The following FOXP1 variants were observed in gnomAD, a reference collection of about 807,000 sequenced individuals.
FOXP1 encodes forkhead box protein P1.
In FOXP1, 15 loss-of-function variants were observed where a neutral mutation model predicts 98.2. The observed-to-expected ratio is 0.15, with a 90% CI of 0.10 to 0.24. The LOEUF (loss-of-function observed/expected upper bound fraction) is 0.24. FOXP1 is among the 10% of genes least tolerant of loss of function. The probability of loss-of-function intolerance (pLI) is 1.00; values close to 1 mark genes in which losing one functional copy is unlikely to be tolerated. For missense variants in FOXP1, 633 were observed against 848.5 expected (o/e 0.75, Z 3.15); for synonymous variants, 371 against 314.5 (o/e 1.18, Z -1.90).
At chr3:71,572,982 C>T (rs892989082) in intron 2 of FOXP1, among the ~76,000 whole-genome samples, 2 of 152,198 alleles carry the variant, frequency 1.3e-5, no homozygotes, top group Non-Finnish European at 2.9e-5. Context: ...AGGCATCACA[C>T]TCTATTCAGT....
chr3:71,183,049 T>C (rs7430246), intron 6 of FOXP1, among the ~76,000 whole-genome samples: 72,688 of 152,024 alleles, frequency 0.48, 18,852 homozygotes, highest in African/African-American at 0.69. Flanking sequence ...CTTCTAAGGT[T>C]AGAGATTTAG....
At chr3:71,040,713 A>G (rs1410883265) in intron 11 of FOXP1, among the ~76,000 whole-genome samples, 1 of 152,162 alleles carries the variant, frequency 6.6e-6, no homozygotes, top group Non-Finnish European at 1.5e-5. Context: ...TATATCCCAC[A>G]ATGAAGAGAA....
chr3:71,328,991 A>AC (rs1491537028), intron 4 of FOXP1, among the ~76,000 whole-genome samples: 4 of 32,008 alleles, frequency 1.2e-4, no homozygotes, highest in Non-Finnish European at 3.8e-4. Context: ...AAAAAAAAAC[A>AC]AAAAAAAAAA....
chr3:71,106,701 C>A (rs1233781633), intron 7 of FOXP1, among the ~76,000 whole-genome samples: 1 of 151,592 alleles, frequency 6.6e-6, no homozygotes, highest in Non-Finnish European at 1.5e-5. Context: ...CTCAAGAGAT[C>A]CTCTGGCCTC....
At chr3:71,169,308 G>A (rs1007892466) in intron 6 of FOXP1, among the ~76,000 whole-genome samples, 8 of 152,118 alleles carry the variant, frequency 5.3e-5, no homozygotes, top group African/African-American at 1.2e-4. Context: ...ATTTGCCCCC[G>A]AGCGTCTCTC....
intron 5 of FOXP1, among the ~76,000 whole-genome samples, chr3:71,232,159 A>C (rs934333353): frequency 6.6e-6 from 1 of 152,238 alleles, no homozygotes; most frequent in Admixed American, 6.5e-5. Context: ...AAAGAATCTG[A>C]TAGTATCAAA....
Position 70,966,021 on chromosome 3 carries a change from A to G in FOXP1, c.1758T>C (p.Thr586=). The change falls in exon 20 of 21, where the codon ACT becomes ACC. Residue 586 remains threonine (T), a synonymous_variant. Transcript: ENST00000649528. ...GAGTGGGATTTCCCATGGAAGCGGT[A>G]GTGTATAGAGGTATACTATTCTCAG... ...SMAENSIPLY[T]TASMGNPTLG... 1 of 1,614,188 alleles carries G rather than the reference A, an allele frequency of 6.2e-7. No homozygotes were observed. The highest frequency in any genetic ancestry group is 8.5e-7 in the Non-Finnish European group (1 of 1,180,002).
At chr3:71,001,874 G>C (rs2042166131) in intron 12 of FOXP1, among the ~76,000 whole-genome samples, 1 of 152,188 alleles carries the variant, frequency 6.6e-6, no homozygotes, top group Admixed American at 6.5e-5. Context: ...ACATTACTCA[G>C]TCCTTTCTTA....
At chr3:71,514,470 A>G (rs752669973) in intron 2 of FOXP1, among the ~76,000 whole-genome samples, 2 of 152,202 alleles carry the variant, frequency 1.3e-5, no homozygotes, top group Non-Finnish European at 2.9e-5. Context: ...TCTCCCCAGA[A>G]TGAGTGCCCA....
At chr3:71,446,235 C>A (rs556738477) in intron 3 of FOXP1, among the ~76,000 whole-genome samples, 1 of 152,154 alleles carries the variant, frequency 6.6e-6, no homozygotes, top group African/African-American at 2.4e-5. Context: ...CTTGTGGGCA[C>A]CCTTGATTTT....
At chr3:71,381,530 C>T (rs2080180190) in intron 3 of FOXP1, among the ~76,000 whole-genome samples, 1 of 148,932 alleles carries the variant, frequency 6.7e-6, no homozygotes, top group South Asian at 2.2e-4. Context: ...GCGGCCTCAA[C>T]CTCCTCGGGT....
chr3:71,342,424 C>G (rs977045623), intron 4 of FOXP1, among the ~76,000 whole-genome samples: 7 of 152,170 alleles, frequency 4.6e-5, no homozygotes, highest in Non-Finnish European at 1.0e-4. Context: ...AATCCCAGCA[C>G]TTTGAGAGAT....
At chr3:71,572,713 AG>A (rs1454986483) in intron 2 of FOXP1, 4 of 152,192 alleles carry the variant, frequency 2.6e-5, no homozygotes, top group Non-Finnish European at 5.9e-5. Flanking sequence ...GACAGAGGTA[AG>A]ATGAGGATGG....
chr3:71,542,436 G>A (rs756492618), intron 2 of FOXP1, among the ~76,000 whole-genome samples: 10 of 152,196 alleles, frequency 6.6e-5, no homozygotes, highest in Non-Finnish European at 1.3e-4. Flanking sequence ...TCGAAATCTC[G>A]TTTTTATAGC....
chr3:71,339,516 T>C (rs2076890550), intron 4 of FOXP1, among the ~76,000 whole-genome samples: 1 of 152,224 alleles, frequency 6.6e-6, no homozygotes, highest in Non-Finnish European at 1.5e-5. Flanking sequence ...TCTCACTCTT[T>C]CTTAAATACC....
intron 3 of FOXP1, among the ~76,000 whole-genome samples, chr3:71,479,405 A>C (rs1198440513): frequency 6.6e-6 from 1 of 152,244 alleles, no homozygotes; most frequent in East Asian, 1.9e-4. Context: ...AATTATATCT[A>C]AATGTGGACA....
chr3:71,235,101 C>A (rs899291612), intron 5 of FOXP1, among the ~76,000 whole-genome samples: 1 of 147,002 alleles, frequency 6.8e-6, no homozygotes. Context: ...TGTGCTCATT[C>A]CAGTGAAGGC....
In FOXP1 at chr3:70,968,408, G is replaced by C. The variant is rs2035447435; in HGVS notation, c.1722+2328C>G. ...GGTAGTTGATGTCCACTTAGAAGCA[G>C]GTGTGTTACAAAAATGGAGTTAATT... On this transcript the variant is annotated intron_variant, in intron 19 of 20. Transcript: ENST00000649528. 4 of 148,648 alleles carry C rather than the reference G, an allele frequency of 2.7e-5. No individual in the cohort carries two copies. In the South Asian group the frequency reaches 6.4e-4, roughly 24 times the overall value. 9.2% of individuals were successfully genotyped at this position (148,648 alleles called of 1,614,324 possible). A position where few individuals can be genotyped will look rare whatever the true frequency, so the allele number is the denominator to read the frequency against.
chr3:71,580,690 A>T (rs2048096954), intron 2 of FOXP1: 1 of 655,004 alleles, frequency 1.5e-6, no homozygotes, highest in Non-Finnish European at 1.9e-6. Flanking sequence ...GGGAAAGGGG[A>T]TGGAATGGAA....
Sources: allele counts gnomAD v4.1 joint callset (sites outside exome capture counted in the v4.1 genomes callset), GRCh38; gene constraint gnomAD v4.1.1; transcripts MANE v1.5; gene names NCBI Gene and HGNC (gene_info 2026-07-23, HGNC 2026-07-21).